The following SUPT6H variants were observed in gnomAD, a reference collection of about 807,000 sequenced individuals.
The protein encoded by SUPT6H is transcription elongation factor SPT6.
A neutral mutation model predicts 222.3 loss-of-function variants in SUPT6H; 11 were observed. That is an observed-to-expected ratio of 0.05 (90% CI 0.03 to 0.08). The LOEUF is 0.08. Ranked by LOEUF, SUPT6H falls within the 10% of genes least tolerant of loss-of-function variation. The pLI, the probability that SUPT6H is intolerant of heterozygous loss-of-function variation, is 1.00. For missense variants in SUPT6H, 1,422 were observed against 2,216.0 expected, an observed-to-expected ratio of 0.64 and a Z score of 7.19; for synonymous variants, 762 against 801.2, an observed-to-expected ratio of 0.95 and a Z score of 0.83.
chr17:28,678,111 C>T lies in SUPT6H; in HGVS notation c.1035C>T (p.Ala345=), dbSNP rs2030870256. The part of the protein sequence containing the change: ...SCDYLDRGQP[A]SSFSRKGPST... The stretch of plus-strand genomic sequence containing the variant: ...ATTACCTAGACCGAGGGCAGCCAGC[C>T]AGCAGCTTCAGTCGGAAAGGGCCCA... The change falls in exon 9 of 37, where the codon GCC becomes GCT. Residue 345 remains alanine, a synonymous_variant. Coordinates refer to ENST00000314616, the MANE Select transcript of SUPT6H (RefSeq NM_003170.5). The T allele has an allele frequency of 6.2e-7, 1 of 1,612,620 alleles. No individual in the cohort carries two copies. Among genetic ancestry groups the T allele is most frequent in the South Asian group, 1.1e-5 (1 of 90,716 alleles).
rs1394200749 is a variant in SUPT6H at position 28,686,638 on chromosome 17, A to G, written c.2565-16A>G. ...CCTAAGAAAACATATTCATTGACCA[A>G]CACTCATCCCACCAGGGACGCCCAG... On this transcript the variant is annotated splice_polypyrimidine_tract_variant and intron_variant, in intron 20 of 36. Coordinates refer to ENST00000314616, the MANE Select transcript of SUPT6H (RefSeq NM_003170.5). 2 of 1,579,232 alleles carry G rather than the reference A, an allele frequency of 1.3e-6. No homozygotes were observed. The highest frequency in any genetic ancestry group is 1.7e-6 in the Non-Finnish European group (2 of 1,164,010).
intron 20 of SUPT6H, 58 bp from the exon 21 acceptor site, chr17:28,686,596 T>G: frequency 6.5e-7 from 1 of 1,549,004 alleles, no homozygotes; most frequent in Non-Finnish European, 8.7e-7. Flanking sequence ...CCCAAGGCAG[T>G]CATGAGACTG....
intron 23 of SUPT6H, 129 bp from the exon 24 acceptor site, chr17:28,687,962 C>A: frequency 2.1e-6 from 2 of 956,714 alleles, no homozygotes; most frequent in Non-Finnish European, 2.8e-6. Context: ...TGGTCGATAG[C>A]ATGCTGTAGT....
intron 7 of SUPT6H, among the ~76,000 whole-genome samples, chr17:28,677,460 A>G (rs1203684959): frequency 6.6e-6 from 1 of 151,276 alleles, no homozygotes; most frequent in East Asian, 1.9e-4. Flanking sequence ...CAGGAGAATC[A>G]TTTGAACTCC....
At chr17:28,696,520 A>G (rs1260011535) in intron 29 of SUPT6H, among the ~76,000 whole-genome samples, 1 of 149,234 alleles carries the variant, frequency 6.7e-6, no homozygotes, top group Non-Finnish European at 1.5e-5. Context: ...CCTAGGAGGG[A>G]GAAGTTGCAG....
At position 28,701,895 on chromosome 17, in the gene SUPT6H, G is replaced by A; in HGVS notation, c.*270G>A. 2.1e-6 allele frequency: 1 copy of A among 484,840 alleles called. No individual in the cohort carries two copies. The highest frequency in any genetic ancestry group is 3.7e-6 in the Non-Finnish European group (1 of 270,144). 30.0% of individuals were successfully genotyped at this position (484,840 alleles called of 1,614,324 possible). On this transcript the variant is annotated 3_prime_UTR_variant, in exon 37 of 37. Transcript: ENST00000314616. Reference sequence around the variant, plus strand: ...GGAGTGTGGCAGGGAGGAGGAAGAGGAAGGTGAGAATGAGTAGAACAGTTT... The same window carrying A: ...GGAGTGTGGCAGGGAGGAGGAAGAGAAAGGTGAGAATGAGTAGAACAGTTT...
chr17:28,663,293 C>A (rs1039743729), intron 1 of SUPT6H, among the ~76,000 whole-genome samples: 11 of 152,156 alleles, frequency 7.2e-5, no homozygotes, highest in African/African-American at 2.7e-4. Flanking sequence ...AATTTAGAGC[C>A]CTTTTTTACG....
At chr17:28,675,332 G>C in intron 5 of SUPT6H, 69 bp from the exon 6 acceptor site, 3 of 1,577,172 alleles carry the variant, frequency 1.9e-6, no homozygotes, top group Non-Finnish European at 2.6e-6. Context: ...TCACATAGTA[G>C]GAACCAAAGC....
intron 2 of SUPT6H, 93 bp from the exon 3 acceptor site, chr17:28,674,190 G>T: frequency 6.7e-7 from 1 of 1,503,254 alleles, no homozygotes. Context: ...AGGTCATTAG[G>T]TGCAGAGCAA....
At chr17:28,666,741 A>T (rs1209582666) in intron 1 of SUPT6H, among the ~76,000 whole-genome samples, 1 of 151,934 alleles carries the variant, frequency 6.6e-6, no homozygotes, top group Non-Finnish European at 1.5e-5. Flanking sequence ...TAGTGGAGAC[A>T]GGGTTTCATC....
chr17:28,686,349 T>C lies in SUPT6H; in HGVS notation c.2498T>C (p.Ile833Thr). The change falls in exon 20 of 37, where the codon ATT becomes ACT. Residue 833 changes from isoleucine (I) to threonine (T), a missense_variant. By Grantham distance (89) the Ile-to-Thr change is moderately conservative. Coordinates refer to ENST00000314616, the MANE Select transcript of SUPT6H (RefSeq NM_003170.5). The stretch of plus-strand genomic sequence containing the variant: ...TTTCTTTCAATCCAGGCTCAAGACA[T>C]TGAAACGCTAAAGAAATTTCTCCTG... The part of the protein sequence containing the change: ...EEEREKKAQD[I>T]ETLKKFLLNK... The C allele has an allele frequency of 6.2e-7, 1 of 1,614,190 alleles. No homozygotes were observed. The highest frequency in any genetic ancestry group is 8.5e-7 in the Non-Finnish European group (1 of 1,180,010).
At position 28,697,063 on chromosome 17, in the gene SUPT6H, C is replaced by T. The variant is rs748794546; in HGVS notation, c.4190C>T (p.Thr1397Ile). Reference sequence around the variant, plus strand: ...GAAAATGCCTTCAGCCTGGGAGCCACTCTGTGGATCAACAGTGAGGTGAGA... The same window carrying T: ...GAAAATGCCTTCAGCCTGGGAGCCATTCTGTGGATCAACAGTGAGGTGAGA... ...GKENAFSLGA[T>I]LWINSEEFED... The change falls in exon 30 of 37, where the codon ACT (threonine) becomes ATT (isoleucine). Residue 1397 changes from threonine to isoleucine, a missense_variant. Around this residue, in one of 13 missense-constraint regions of SUPT6H, gnomAD observed 395 missense variants for 580.6 expected, o/e 0.68. Coordinates refer to ENST00000314616, the MANE Select transcript of SUPT6H (RefSeq NM_003170.5). 4.3e-6 allele frequency: 7 copies of T among 1,614,058 alleles called. No individual in the cohort carries two copies. The highest frequency in any genetic ancestry group is 3.3e-5 in the South Asian group (3 of 91,066).
intron 1 of SUPT6H, among the ~76,000 whole-genome samples, chr17:28,667,398 T>G (rs1597683036): frequency 6.6e-4 from 20 of 30,408 alleles, no homozygotes; most frequent in Non-Finnish European, 1.2e-3. Flanking sequence ...AAAAAAAGTG[T>G]GTGTGTGTAT....
intron 29 of SUPT6H, among the ~76,000 whole-genome samples, chr17:28,696,642 A>G (rs375879203): frequency 2.0e-5 from 3 of 150,710 alleles, no homozygotes; most frequent in East Asian, 2.0e-4. Flanking sequence ...ATTCCCAGCT[A>G]TTTTAGAGGC....
intron 15 of SUPT6H, 79 bp downstream of exon 15, chr17:28,683,171 C>G (rs544393037): frequency 1.3e-6 from 2 of 1,572,150 alleles, no homozygotes; most frequent in East Asian, 2.2e-5. Context: ...CCTTCCACTT[C>G]ACTGAGCTGT....
chr17:28,673,518 G>A lies in SUPT6H; in HGVS notation c.109+8G>A. On this transcript the variant is annotated splice_region_variant and intron_variant, in intron 2 of 36. Transcript: ENST00000314616. Reference sequence around the variant, plus strand: ...TGGAAGAGGAGGATGATGGTGAGGAGGCCCCAGCCTCAAGCTTCTCCCCAC... The same window carrying A: ...TGGAAGAGGAGGATGATGGTGAGGAAGCCCCAGCCTCAAGCTTCTCCCCAC... 1 of 1,595,846 alleles carries A rather than the reference G, an allele frequency of 6.3e-7. No individual in the cohort carries two copies. The highest frequency in any genetic ancestry group is 8.6e-7 in the Non-Finnish European group (1 of 1,164,760).
chr17:28,675,195 G>A (rs1405247309), intron 5 of SUPT6H, 33 bp downstream of exon 5: 2 of 1,582,372 alleles, frequency 1.3e-6, no homozygotes, highest in Non-Finnish European at 1.7e-6. Context: ...GCCAGTGTTT[G>A]GATGGGTATT....
At chr17:28,690,705 C>CA (rs2031599379) in intron 26 of SUPT6H, among the ~76,000 whole-genome samples, 1 of 152,178 alleles carries the variant, frequency 6.6e-6, no homozygotes, top group African/African-American at 2.4e-5. Context: ...ACCTGGGAGG[C>CA]AGAGGTTACA....
chr17:28,700,081 C>T (rs1020036475), intron 33 of SUPT6H, 92 bp from the exon 34 acceptor site: 26 of 1,571,676 alleles, frequency 1.7e-5, no homozygotes, highest in Non-Finnish European at 2.2e-5. Context: ...CCCTTCCTCC[C>T]TCTACCTACT....
Sources: allele counts gnomAD v4.1 joint callset (sites outside exome capture counted in the v4.1 genomes callset), GRCh38; gene constraint gnomAD v4.1.1; regional missense constraint gnomAD v4.1.1; transcripts MANE v1.5; gene names NCBI Gene and HGNC (gene_info 2026-07-23, HGNC 2026-07-21).